Variants in CHL1 observed in about 807,000 individuals in gnomAD.
The protein encoded by CHL1 is cell adhesion molecule L1 like, also known as neural cell adhesion molecule L1-like protein.
Under a neutral mutation model 141.9 loss-of-function variants are expected in CHL1, and 96 were observed. That is an observed-to-expected ratio of 0.68 (90% confidence interval 0.57 to 0.80). The LOEUF is 0.80. CHL1 is among the 30% of genes least tolerant of loss of function. The probability of loss-of-function intolerance (pLI) is 0.00; values close to 1 mark genes in which losing one functional copy is unlikely to be tolerated. For missense variants in CHL1, 1,820 were observed against 1,457.2 expected (o/e 1.25, Z -4.05); for synonymous variants, 613 against 502.2 (o/e 1.22, Z -2.95).
At chr3:239,917 C>T (rs1426485868) in intron 1 of CHL1, among the ~76,000 whole-genome samples, 3 of 152,092 alleles carry the variant, frequency 2.0e-5, no homozygotes, top group African/African-American at 4.8e-5. Flanking sequence ...GCTGTGAATG[C>T]GGTTAATTTC....
chr3:391,023 A>G lies in CHL1; in HGVS notation c.2655A>G (p.Arg885=), dbSNP rs142000301. ...RTHPKEVNIL[R]FSGQRNSGMV... ...ATCCCAAAGAAGTGAACATTCTAAG[A>G]TTTTCAGGACAAAGAAACTCTGGAA... The change falls in exon 22 of 28, where the codon AGA becomes AGG. Residue 885 remains arginine (R), a synonymous_variant. Transcript: ENST00000256509. The G allele has an allele frequency of 5.1e-5, 83 of 1,614,138 alleles. No individual in the cohort carries two copies. In the African/African-American group the frequency reaches 8.8e-4, roughly 17 times the overall value.
At chr3:230,961 T>C (rs1242892973) in intron 1 of CHL1, among the ~76,000 whole-genome samples, 3 of 152,158 alleles carry the variant, frequency 2.0e-5, no homozygotes, top group Non-Finnish European at 4.4e-5. Context: ...GGAGAAAGAA[T>C]CCTTAGCTTT....
intron 2 of CHL1, among the ~76,000 whole-genome samples, chr3:302,353 C>A (rs1334247185): frequency 6.6e-6 from 1 of 152,164 alleles, no homozygotes; most frequent in African/African-American, 2.4e-5. Context: ...CTAATTTACA[C>A]TCCCACCAAC....
At chr3:289,278 A>G (rs947882707) in intron 2 of CHL1, among the ~76,000 whole-genome samples, 4 of 152,224 alleles carry the variant, frequency 2.6e-5, no homozygotes, top group African/African-American at 9.6e-5. Flanking sequence ...AAAACTTGAT[A>G]TCATATTTAA....
rs1706538269 is a variant in CHL1 at position 377,905 on chromosome 3, A to G, written c.1839A>G (p.Leu613=). The G allele has an allele frequency of 6.2e-6, 10 of 1,612,852 alleles. No individual in the cohort carries two copies. Among genetic ancestry groups the G allele is most frequent in the Non-Finnish European group, 7.6e-6 (9 of 1,179,410 alleles). ...ACTGCTGTTCAGCTCATACTGCTCT[A>G]GACAGTGCTGCCGATATAACTCAAG... ...GIYCCSAHTA[L]DSAADITQVT... is the part of the protein sequence containing the mutation. The change falls in exon 16 of 28, where the codon CTA becomes CTG. Residue 613 remains leucine (L), a synonymous_variant. Transcript: ENST00000256509.
At chr3:226,898 A>G (rs1701406641) in intron 1 of CHL1, among the ~76,000 whole-genome samples, 2 of 152,216 alleles carry the variant, frequency 1.3e-5, no homozygotes, top group African/African-American at 4.8e-5. Flanking sequence ...TCAAAACAGA[A>G]TAAGAAGGGC....
At chr3:320,013 T>A (rs893456716) in intron 3 of CHL1, 146 bp downstream of exon 3, 14 of 572,926 alleles carry the variant, frequency 2.4e-5, no homozygotes, top group Middle Eastern at 4.7e-4. Context: ...TTCATATCTA[T>A]CTTTTTCGTT....
chr3:213,995 G>A (rs1015844339), intron 1 of CHL1, among the ~76,000 whole-genome samples: 1 of 152,134 alleles, frequency 6.6e-6, no homozygotes, highest in Non-Finnish European at 1.5e-5. Context: ...GTTAGAGAAA[G>A]CCAAACATAG....
chr3:275,253 A>G (rs985589777), intron 2 of CHL1, among the ~76,000 whole-genome samples: 3 of 152,172 alleles, frequency 2.0e-5, no homozygotes, highest in African/African-American at 7.2e-5. Context: ...ATTTGCTAAC[A>G]TGTTATGGAG....
chr3:267,296 G>A (rs1260959908), intron 2 of CHL1, among the ~76,000 whole-genome samples: 1 of 152,096 alleles, frequency 6.6e-6, no homozygotes, highest in African/African-American at 2.4e-5. Flanking sequence ...GGTGACCTGT[G>A]GGCACAGAAT....
intron 5 of CHL1, among the ~76,000 whole-genome samples, chr3:338,135 A>T (rs762615671): frequency 1.3e-5 from 2 of 152,120 alleles, no homozygotes; most frequent in Non-Finnish European, 2.9e-5. Flanking sequence ...AAGTGCAAAC[A>T]TTCTTGAAAT....
chr3:205,101 TTTC>T (rs1467000913), intron 1 of CHL1, among the ~76,000 whole-genome samples: 39 of 30,108 alleles, frequency 1.3e-3, no homozygotes, highest in African/African-American at 2.1e-3. Context: ...TCTTTCTTTC[TTTC>T]TTTTTTTTTT....
At chr3:270,175 G>A (rs1048521591) in intron 2 of CHL1, among the ~76,000 whole-genome samples, 1 of 152,158 alleles carries the variant, frequency 6.6e-6, no homozygotes, top group Non-Finnish European at 1.5e-5. Context: ...AGTGACAGAA[G>A]GTGACTTGAG....
At chr3:259,591 C>A (rs1225355498) in intron 2 of CHL1, among the ~76,000 whole-genome samples, 1 of 152,202 alleles carries the variant, frequency 6.6e-6, no homozygotes, top group African/African-American at 2.4e-5. Context: ...GTTATCTCAT[C>A]CACCATTCCT....
chr3:404,600 T>C (rs1709387763), intron 27 of CHL1, among the ~76,000 whole-genome samples: 1 of 152,226 alleles, frequency 6.6e-6, no homozygotes, highest in African/African-American at 2.4e-5. Flanking sequence ...CAGCCATTTC[T>C]TTCTGTCTTA....
intron 24 of CHL1, among the ~76,000 whole-genome samples, chr3:396,728 C>G (rs1708703994): frequency 6.6e-6 from 1 of 152,128 alleles, no homozygotes; most frequent in Non-Finnish European, 1.5e-5. Context: ...TCCACATTTT[C>G]AGTATTCCAG....
At chr3:353,767 T>C (rs1217102931) in intron 10 of CHL1, among the ~76,000 whole-genome samples, 1 of 152,228 alleles carries the variant, frequency 6.6e-6, no homozygotes, top group Non-Finnish European at 1.5e-5. Flanking sequence ...AAAATATCTT[T>C]GGGGAAATAA....
At chr3:199,879 T>C (rs1698757649) in intron 1 of CHL1, among the ~76,000 whole-genome samples, 1 of 152,244 alleles carries the variant, frequency 6.6e-6, no homozygotes, top group Admixed American at 6.5e-5. Context: ...TTTAAGATTC[T>C]TGTATTTTTA....
chr3:254,273 C>T (rs1574868717), intron 2 of CHL1, among the ~76,000 whole-genome samples: 1 of 152,176 alleles, frequency 6.6e-6, no homozygotes, highest in Non-Finnish European at 1.5e-5. Context: ...ACACCCCTTT[C>T]CCATAAATTG....
Sources: allele counts gnomAD v4.1 joint callset (sites outside exome capture counted in the v4.1 genomes callset), GRCh38; gene constraint gnomAD v4.1.1; transcripts MANE v1.5; gene names NCBI Gene and HGNC (gene_info 2026-07-23, HGNC 2026-07-21).